NPAS2: variants seen among roughly 807,000 people sequenced by gnomAD.
NPAS2 encodes the protein neuronal PAS domain-containing protein 2.
Under a neutral mutation model 107.5 loss-of-function variants are expected in NPAS2, and 23 were observed. The observed-to-expected ratio is 0.21, with a 90% CI of 0.15 to 0.30. The LOEUF is 0.30. Ranked by LOEUF, NPAS2 falls within the 10% of genes least tolerant of loss-of-function variation. The pLI is 1.00. For synonymous variants in NPAS2, 403 were observed against 417.5 expected (o/e 0.97, Z 0.42); for missense variants, 756 against 1,043.3 (o/e 0.72, Z 3.79).
chr2:100,937,779 G>A lies in NPAS2; in HGVS notation c.300G>A (p.Val100=). 6.2e-7 allele frequency: 1 copy of A among 1,614,176 alleles called. No homozygotes were observed. The highest frequency in any genetic ancestry group is 8.5e-7 in the Non-Finnish European group (1 of 1,180,006). ...LEALDGFIIA[V]TTDGSIIYVS... ...CATTAGATGGCTTCATTATCGCAGT[G>A]ACAACAGACGGCAGCATCATCTATG... Residue 100 remains valine (V), a synonymous_variant, in exon 5 of 21, where the codon GTG becomes GTA. Coordinates refer to ENST00000335681, the MANE Select transcript of NPAS2 (RefSeq NM_002518.4).
Position 100,881,629 on chromosome 2 carries a change from T to A in NPAS2, c.-22-23104T>A, listed in dbSNP as rs181727178. ...TGAACCCAGGAGGCGGAGGTTGCGG[T>A]GAGCTGAGATCACAGCACTGCACTC... is the stretch of plus-strand genomic sequence containing the variant. On this transcript the variant is annotated intron_variant, in intron 1 of 20. Transcript: ENST00000335681. Among the ~76,000 whole-genome samples, 68 of 151,816 alleles carry A rather than the reference T, an allele frequency of 4.5e-4. 2 individuals are homozygous for A. In the East Asian group the frequency reaches 9.7e-3, roughly 22 times the overall value.
At chr2:100,843,753 A>C (rs1268509460) in intron 1 of NPAS2, among the ~76,000 whole-genome samples, 1 of 152,138 alleles carries the variant, frequency 6.6e-6, no homozygotes, top group Non-Finnish European at 1.5e-5. Flanking sequence ...AAGAGATCTA[A>C]AGGATCTCTT....
At chr2:100,852,512 G>T (rs938735943) in intron 1 of NPAS2, among the ~76,000 whole-genome samples, 4 of 152,184 alleles carry the variant, frequency 2.6e-5, no homozygotes, top group African/African-American at 7.2e-5. Context: ...GTAAGAACAG[G>T]ACTTGTTTTA....
At chr2:100,869,899 T>TC (rs1491451814) in intron 1 of NPAS2, among the ~76,000 whole-genome samples, 1 of 134,558 alleles carries the variant, frequency 7.4e-6, no homozygotes, top group Non-Finnish European at 1.6e-5. Flanking sequence ...ACTCCTGACT[T>TC]CTTTTTTTTT....
chr2:100,903,473 A>T (rs1479794298), intron 1 of NPAS2, among the ~76,000 whole-genome samples: 1 of 152,190 alleles, frequency 6.6e-6, no homozygotes, highest in Admixed American at 6.5e-5. Context: ...TTTGGCTCAG[A>T]CCCATGTTTG....
rs185858884 is a variant in NPAS2, at chr2:100,995,166, G to C, written c.2293-234G>C. 6.8e-5 allele frequency: 32 copies of C among 473,132 alleles called. No homozygotes were observed. In the Admixed American group the frequency reaches 1.2e-3, roughly 18 times the overall value. The allele number at this position is 473,132 out of a possible 1,614,324, so 29.3% of individuals were successfully genotyped here. On this transcript the variant is annotated intron_variant, in intron 20 of 20. Transcript: ENST00000335681. ...AGGCCTCAGTCGATTGGGCCAGAAGGTGCCCCCACTATTGGCGGAGAACTT... is the reference window on the plus strand; with the variant it reads ...AGGCCTCAGTCGATTGGGCCAGAAGCTGCCCCCACTATTGGCGGAGAACTT...
chr2:100,980,015 GGGTAACT>G (rs1352846278), intron 15 of NPAS2, among the ~76,000 whole-genome samples: 1 of 152,186 alleles, frequency 6.6e-6, no homozygotes, highest in Admixed American at 6.5e-5. Context: ...GCGGTTATCT[GGGTAACT>G]GGTGGTTTTC....
At chr2:100,891,695 C>T (rs1358585625) in intron 1 of NPAS2, among the ~76,000 whole-genome samples, 1 of 152,252 alleles carries the variant, frequency 6.6e-6, no homozygotes, top group African/African-American at 2.4e-5. Flanking sequence ...CATCAAACCT[C>T]CTACGTTTTG....
chr2:100,867,845 T>A (rs78243389), intron 1 of NPAS2, among the ~76,000 whole-genome samples: 7,816 of 152,190 alleles, frequency 0.051, 664 homozygotes, highest in African/African-American at 0.18. Flanking sequence ...TCAGCTGAAG[T>A]ACTTATTTAT....
At chr2:100,892,719 A>T (rs963832703) in intron 1 of NPAS2, among the ~76,000 whole-genome samples, 5 of 151,962 alleles carry the variant, frequency 3.3e-5, no homozygotes, top group African/African-American at 1.2e-4. Context: ...TTTATTTTTT[A>T]TTTTATTTAT....
intron 16 of NPAS2, chr2:100,982,655 C>T (rs1477874283): frequency 2.1e-6 from 1 of 483,654 alleles, no homozygotes; most frequent in Non-Finnish European, 3.8e-6. Context: ...CACTTGTGCA[C>T]TTGGCGTTGG....
intron 1 of NPAS2, among the ~76,000 whole-genome samples, chr2:100,885,534 G>A (rs900765559): frequency 1.3e-5 from 2 of 152,068 alleles, no homozygotes; most frequent in Non-Finnish European, 2.9e-5. Flanking sequence ...GGGTACTCTG[G>A]GAATTGAAAA....
rs191170721 is a variant in NPAS2 at position 100,932,508 on chromosome 2, T to A, written c.182-402T>A. On this transcript the variant is annotated intron_variant, in intron 3 of 20. Transcript: ENST00000335681. ...TTTAAAATCCCAGGTCTGTGAAGTG[T>A]TTTGCTTCACCTGGGCCATGAAGAA... Among the ~76,000 whole-genome samples, 283 of 151,862 alleles carry A rather than the reference T, an allele frequency of 1.9e-3. 1 individual carries two copies. The highest frequency in any genetic ancestry group is 6.7e-3 in the African/African-American group (275 of 41,118).
intron 1 of NPAS2, among the ~76,000 whole-genome samples, chr2:100,892,870 A>G (rs1681166762): frequency 1.3e-5 from 2 of 152,178 alleles, no homozygotes; most frequent in South Asian, 4.2e-4. Context: ...GGCGTGCACC[A>G]ACACACCCGG....
chr2:100,838,799 C>T (rs1677219699), intron 1 of NPAS2, among the ~76,000 whole-genome samples: 1 of 152,034 alleles, frequency 6.6e-6, no homozygotes, highest in African/African-American at 2.4e-5. Flanking sequence ...GTTAGTACTG[C>T]TTAGAAAGTT....
chr2:100,866,468 G>C (rs1679262810), intron 1 of NPAS2, among the ~76,000 whole-genome samples: 1 of 152,216 alleles, frequency 6.6e-6, no homozygotes, highest in South Asian at 2.1e-4. Context: ...CAGTCTCAGA[G>C]TTAACCTGGC....
chr2:100,828,255 T>G (rs1047089740), intron 1 of NPAS2, among the ~76,000 whole-genome samples: 10 of 151,856 alleles, frequency 6.6e-5, no homozygotes, highest in South Asian at 2.1e-4. Context: ...ATGGTTTTTG[T>G]TTTTTTTGCT....
chr2:100,897,523 T>C (rs1275488777), intron 1 of NPAS2, among the ~76,000 whole-genome samples: 1 of 152,100 alleles, frequency 6.6e-6, no homozygotes, highest in East Asian at 1.9e-4. Context: ...ACCAAAGCAA[T>C]CACCGGGCTG....
chr2:100,871,350 A>T (rs1573509948), intron 1 of NPAS2, among the ~76,000 whole-genome samples: 3 of 129,430 alleles, frequency 2.3e-5, no homozygotes, highest in Non-Finnish European at 1.5e-5. Context: ...TTTTTTTTTT[A>T]AAGACAGTCT....
Sources: gnomAD v4.1 joint callset for allele counts (sites outside exome capture counted in the v4.1 genomes callset) on GRCh38, gnomAD v4.1.1 for gene constraint, MANE v1.5 for transcripts, NCBI Gene and HGNC (gene_info 2026-07-23, HGNC 2026-07-21) for gene names.